DDR1: variants seen among roughly 807,000 people sequenced by gnomAD.
DDR1 encodes epithelial discoidin domain-containing receptor 1.
DDR1 carries 64 observed loss-of-function variants against 97.4 expected under a neutral mutation model. The observed-to-expected ratio is 0.66, with a 90% CI of 0.54 to 0.81. DDR1 has a LOEUF of 0.81. Among genes scored for constraint, DDR1 ranks in the 30% least tolerant of loss-of-function variants. The pLI is 0.00. For missense variants in DDR1, 990 were observed against 1,259.6 expected (o/e 0.79, Z 3.24); for synonymous variants, 458 against 503.7 (o/e 0.91, Z 1.21).
At position 30,896,544 on chromosome 6, in the gene DDR1, G is replaced by A. The variant is rs1427122513; in HGVS notation, c.1625-77G>A. The A allele has an allele frequency of 3.9e-6, 6 of 1,524,226 alleles. No homozygotes were observed. In the East Asian group the frequency reaches 1.4e-4, roughly 35 times the overall value. 94.4% of individuals were successfully genotyped at this position (1,524,226 alleles called of 1,614,324 possible). A position where few individuals can be genotyped will look rare whatever the true frequency, so the allele number is the denominator to read the frequency against. On this transcript the variant is annotated intron_variant, in intron 12 of 17. Transcript: ENST00000376568. ...CCGGGAGACACAGGGCCCTCCGGGA[G>A]GCTGAGGTGTGGGGAACTATAGCTC...
chr6:30,893,833 G>A (rs13195417), intron 10 of DDR1, among the ~76,000 whole-genome samples: 6,894 of 152,318 alleles, frequency 0.045, 219 homozygotes, highest in Middle Eastern at 0.088. Context: ...AGTGTACACT[G>A]GTCAGCCTTG....
chr6:30,887,174 T>C (rs891945514), intron 1 of DDR1: 7 of 152,186 alleles, frequency 4.6e-5, no homozygotes, highest in Non-Finnish European at 8.8e-5. Flanking sequence ...TGGACTCCTA[T>C]GTGGGAGGGC....
chr6:30,885,560 T>G (rs1362784343), intron 1 of DDR1: 1 of 1,396,898 alleles, frequency 7.2e-7, no homozygotes, highest in East Asian at 2.7e-5. Flanking sequence ...AGGGCCCGGG[T>G]GTGTGTGTCT....
chr6:30,891,261 C>A lies in DDR1; in HGVS notation c.566-119C>A. 1 of 1,426,058 alleles carries A rather than the reference C, an allele frequency of 7.0e-7. No individual in the cohort carries two copies. The highest frequency in any genetic ancestry group is 9.7e-7 in the Non-Finnish European group (1 of 1,035,882). The allele number at this position is 1,426,058 out of a possible 1,614,324, so 88.3% of individuals were successfully genotyped here. ...AGGGGGCTAGCCAGCATTGTCTCCTCCATGCCAATGAGCCAGTGGAGAGAT... is the reference window on the plus strand; with the variant it reads ...AGGGGGCTAGCCAGCATTGTCTCCTACATGCCAATGAGCCAGTGGAGAGAT... On this transcript the variant is annotated intron_variant, in intron 5 of 17. Coordinates refer to ENST00000376568, the MANE Select transcript of DDR1 (RefSeq NM_001297654.2). The surrounding 1 kb of genome is among the most constrained non-coding windows in gnomAD (Gnocchi z 5.3).
At chr6:30,885,547 C>T in intron 1 of DDR1, 8 of 1,392,132 alleles carry the variant, frequency 5.7e-6, no homozygotes, top group African/African-American at 1.4e-5. Context: ...GATCCTGTGC[C>T]CAAGGGCCCG....
At position 30,897,990 on chromosome 6, in the gene DDR1, C is replaced by A; in HGVS notation, c.2217-83C>A. On this transcript the variant is annotated intron_variant, in intron 15 of 17. Transcript: ENST00000376568. This position sits in a 1 kb window ranked among gnomAD's most constrained non-coding sequence, Gnocchi z 5.2. ...CACATGGGGAGCCAGAGTGACCGGG[C>A]CCGGGGAGTGGGCTCTCTCTCCTCT... 1 of 1,083,144 alleles carries A rather than the reference C, an allele frequency of 9.2e-7. No individual in the cohort carries two copies. Among genetic ancestry groups the A allele is most frequent in the Non-Finnish European group, 1.4e-6 (1 of 728,052 alleles). 67.1% of individuals were successfully genotyped at this position (1,083,144 alleles called of 1,614,324 possible). A position where few individuals can be genotyped will look rare whatever the true frequency, so the allele number is the denominator to read the frequency against.
At chr6:30,883,855 C>T (rs73727107), upstream of DDR1, 15,021 of 153,166 alleles carry the variant, frequency 0.098, 871 homozygotes, top group African/African-American at 0.15. The surrounding 1 kb of genome is among the most constrained non-coding windows in gnomAD (Gnocchi z 4.9). Context: ...GTCGTAGGGG[C>T]GGGAGCGCAC....
rs771341445 is a variant in DDR1 at position 30,898,912 on chromosome 6, G to C, written c.2476G>C (p.Val826Leu). The change falls in exon 17 of 18, where the codon GTG becomes CTG. Residue 826 changes from valine (V) to leucine (L), a missense_variant. By Grantham distance (32) the Val-to-Leu change is conservative. Transcript: ENST00000376568. The part of the protein sequence containing the change: ...LMGKFTTASD[V>L]WAFGVTLWEV... ...GGGGAAGTTCACGACTGCGAGTGAC[G>C]TGTGGGCCTTTGGTGTGACCCTGTG... 3.7e-6 allele frequency: 6 copies of C among 1,611,970 alleles called. No homozygotes were observed. Among genetic ancestry groups the C allele is most frequent in the Non-Finnish European group, 4.2e-6 (5 of 1,178,236 alleles).
At position 30,899,633 on chromosome 6, in the gene DDR1, A is replaced by C; in HGVS notation, c.*337A>C. 2.4e-6 allele frequency: 1 copy of C among 409,552 alleles called. No individual in the cohort carries two copies. 25.4% of individuals were successfully genotyped at this position (409,552 alleles called of 1,614,324 possible). On this transcript the variant is annotated 3_prime_UTR_variant, in exon 18 of 18. Coordinates refer to ENST00000376568, the MANE Select transcript of DDR1 (RefSeq NM_001297654.2). ...ATAGGATAGACACTGGACATGGCCCATTGGAGCACCTGGGCCCCACTGGAC... is the reference window on the plus strand; with the variant it reads ...ATAGGATAGACACTGGACATGGCCCCTTGGAGCACCTGGGCCCCACTGGAC...
Position 30,892,384 on chromosome 6 carries a change from AG to A in DDR1, c.946del (p.Glu316SerfsTer7). ...RFRRGPAMAW[E>X]GEPMRHNLGG... ...CGGCGTGGCCCTGCCATGGCCTGGG[AG>A]GGGGAGCCCATGCGCCACAACCTAG... On this transcript the variant is annotated frameshift_variant, in exon 8 of 18. Coordinates refer to ENST00000376568, the MANE Select transcript of DDR1 (RefSeq NM_001297654.2). LOFTEE classifies it high-confidence loss of function. 6.3e-7 allele frequency: 1 copy of A among 1,592,798 alleles called. No homozygotes were observed.
Position 30,888,666 on chromosome 6 carries a change from C to T in DDR1, c.-42-22C>T. 2.5e-6 allele frequency: 4 copies of T among 1,599,530 alleles called. No individual in the cohort carries two copies. Among genetic ancestry groups the T allele is most frequent in the Non-Finnish European group, 2.6e-6 (3 of 1,173,332 alleles). The stretch of plus-strand genomic sequence containing the variant: ...CTCAGTCCCCTGATTAACTTACGCA[C>T]CACCCATTTTATCCCCTGCAGAGAT... On this transcript the variant is annotated intron_variant, in intron 1 of 17. Coordinates refer to ENST00000376568, the MANE Select transcript of DDR1 (RefSeq NM_001297654.2). This position sits in a 1 kb window ranked among gnomAD's most constrained non-coding sequence, Gnocchi z 4.2.
chr6:30,884,849 T>C lies in DDR1; in HGVS notation c.-43+139T>C. 1 of 240,204 alleles carries C rather than the reference T, an allele frequency of 4.2e-6. No homozygotes were observed. Among genetic ancestry groups the C allele is most frequent in the Non-Finnish European group, 8.1e-6 (1 of 123,228 alleles). The allele number at this position is 240,204 out of a possible 1,614,324, so 14.9% of individuals were successfully genotyped here. ...CTTGGTCGTCCAGCTCTTCTAAGCCTCCCTGCCCGCCTCCCCGATGCTCTG... is the reference window on the plus strand; with the variant it reads ...CTTGGTCGTCCAGCTCTTCTAAGCCCCCCTGCCCGCCTCCCCGATGCTCTG... On this transcript the variant is annotated intron_variant, in intron 1 of 17. Transcript: ENST00000376568. The surrounding 1 kb of genome is among the most constrained non-coding windows in gnomAD (Gnocchi z 6.1).
In DDR1 at chr6:30,889,834, T is replaced by C. The variant is rs1787370549; in HGVS notation, c.417+404T>C. Among the ~76,000 whole-genome samples the C allele has an allele frequency of 6.6e-6, 1 of 152,146 alleles. No homozygotes were observed. On this transcript the variant is annotated intron_variant, in intron 4 of 17. Transcript: ENST00000376568. The surrounding 1 kb of genome is among the most constrained non-coding windows in gnomAD (Gnocchi z 4.9). ...TAAACCTGCTCCTCCCCTGGCATTC[T>C]CCAGCTCAGGAAGTGGTATCACCAT...
In DDR1 at chr6:30,896,636, A is replaced by G. The variant is rs376529212; in HGVS notation, c.1640A>G (p.Tyr547Cys). The G allele has an allele frequency of 1.9e-6, 3 of 1,613,428 alleles. No individual in the cohort carries two copies. The highest frequency in any genetic ancestry group is 2.5e-6 in the Non-Finnish European group (3 of 1,179,800). Residue 547 changes from tyrosine (Y) to cysteine (C), a missense_variant, in exon 13 of 18, where the codon TAT becomes TGT. By Grantham distance (194) the Tyr-to-Cys change is radical (BLOSUM62 -2). Transcript: ENST00000376568. ...PTNTQAYSGD[Y>C]MEPEKPGAPL... ...ACCCCTGCAGCCTACAGTGGGGACT[A>G]TATGGAGCCTGAGAAGCCAGGCGCC...
chr6:30,893,840 C>T (rs1462108898), intron 10 of DDR1, among the ~76,000 whole-genome samples: 5 of 152,204 alleles, frequency 3.3e-5, no homozygotes, highest in Non-Finnish European at 7.3e-5. Context: ...ACTGGTCAGC[C>T]TTGGGGCAGA....
rs1335006574 is a variant in DDR1 at position 30,897,565 on chromosome 6, G to A, written c.2184G>A (p.Gly728=). ...LEDKAAEGAP[G]DGQAAQGPTI... ...ACAAGGCAGCCGAGGGGGCCCCTGG[G>A]GACGGGCAGGCTGCGCAGGGGCCCA... The change falls in exon 15 of 18, where the codon GGG becomes GGA. Residue 728 remains glycine, a synonymous_variant. Coordinates refer to ENST00000376568, the MANE Select transcript of DDR1 (RefSeq NM_001297654.2). This position sits in a 1 kb window ranked among gnomAD's most constrained non-coding sequence, Gnocchi z 5.2. The A allele has an allele frequency of 6.2e-7, 1 of 1,613,180 alleles. No homozygotes were observed. The highest frequency in any genetic ancestry group is 8.5e-7 in the Non-Finnish European group (1 of 1,179,974).
In DDR1 at chr6:30,891,526, A is replaced by AGT. The variant is rs1788223656; in HGVS notation, c.665+47_665+48insGT. Reference sequence around the variant, plus strand: ...TATGGAGTTTGGGGTGGGAGGGAGGACTGTGTGTGTGTGTGTGTGTGTGTG... The same window carrying AGT: ...TATGGAGTTTGGGGTGGGAGGGAGGAGTCTGTGTGTGTGTGTGTGTGTGTGTG... On this transcript the variant is annotated intron_variant, in intron 6 of 17. Transcript: ENST00000376568. The surrounding 1 kb of genome is among the most constrained non-coding windows in gnomAD (Gnocchi z 5.3). The AGT allele has an allele frequency of 1.2e-5, 11 of 938,786 alleles. No individual in the cohort carries two copies. Among genetic ancestry groups the AGT allele is most frequent in the Non-Finnish European group, 1.6e-5 (10 of 614,998 alleles). The allele number at this position is 938,786 out of a possible 1,614,324, so 58.2% of individuals were successfully genotyped here. A position where few individuals can be genotyped will look rare whatever the true frequency, so the allele number is the denominator to read the frequency against.
rs772027239 is a variant in DDR1 at position 30,892,340 on chromosome 6, C to T, written c.897C>T (p.Gly299=). 2.3e-5 allele frequency: 36 copies of T among 1,576,422 alleles called. 1 individual carries two copies. Among genetic ancestry groups the T allele is most frequent in the East Asian group, 4.5e-5 (2 of 44,482 alleles). The part of the protein sequence containing the change: ...NMHTLGARLP[G]GVECRFRRGP... ...ACACGCTGGGAGCCCGTCTGCCTGG[C>T]GGGGTGGAATGTCGCTTCCGGCGTG... Residue 299 remains glycine, a synonymous_variant, in exon 8 of 18, where the codon GGC becomes GGT. Transcript: ENST00000376568.
In DDR1 at chr6:30,891,200, G is replaced by T. The variant is rs765892511; in HGVS notation, c.565+80G>T. 1.9e-6 allele frequency: 3 copies of T among 1,575,920 alleles called. No homozygotes were observed. Among genetic ancestry groups the T allele is most frequent in the Non-Finnish European group, 8.6e-7 (1 of 1,157,296 alleles). ...GGGAGTGTGGAGAATGGGCATCCAG[G>T]ATCCCTTCTCCTGCTGGGAAGCTGT... On this transcript the variant is annotated intron_variant, in intron 5 of 17. Transcript: ENST00000376568. The surrounding 1 kb of genome is among the most constrained non-coding windows in gnomAD (Gnocchi z 5.3).
Sources: allele counts gnomAD v4.1 joint callset (sites outside exome capture counted in the v4.1 genomes callset), GRCh38; gene constraint gnomAD v4.1.1; non-coding constraint Gnocchi (gnomAD v3.1); transcripts MANE v1.5; gene names NCBI Gene and HGNC (gene_info 2026-07-23, HGNC 2026-07-21).